STYXL1: variants seen among roughly 807,000 people sequenced by gnomAD.
STYXL1 encodes the protein serine/threonine/tyrosine-interacting-like protein 1.
A neutral mutation model predicts 36.4 loss-of-function variants in STYXL1; 32 were observed. The ratio of observed to expected loss-of-function variants is 0.88; its 90% CI spans 0.66 to 1.18. The LOEUF (loss-of-function observed/expected upper bound fraction) is 1.18. Among genes scored for constraint, STYXL1 ranks in the 50% most tolerant of loss-of-function variants. The pLI is 0.00. For synonymous variants in STYXL1, 133 were observed against 144.1 expected (o/e 0.92, Z 0.55); for missense variants, 354 against 394.1 (o/e 0.90, Z 0.86).
At chr7:76,022,551 A>G (rs1401172430) in intron 3 of STYXL1, among the ~76,000 whole-genome samples, 1 of 151,684 alleles carries the variant, frequency 6.6e-6, no homozygotes, top group African/African-American at 2.4e-5. Flanking sequence ...TGTAGTCCCT[A>G]CTACTCAGGA....
At chr7:76,032,738 T>C (rs6947068) in intron 1 of STYXL1, among the ~76,000 whole-genome samples, 81,831 of 151,854 alleles carry the variant, frequency 0.54, 24,843 homozygotes, top group Non-Finnish European at 0.7. Flanking sequence ...GTAGGATCCA[T>C]TGTGACAGGA....
chr7:76,022,095 ACT>A (rs2116076511), intron 3 of STYXL1, 103 bp from the exon 4 acceptor site: 1 of 1,516,064 alleles, frequency 6.6e-7, no homozygotes, highest in African/African-American at 1.4e-5. Flanking sequence ...CTAAGACCGC[ACT>A]CTCTCCCCTG....
intron 3 of STYXL1, among the ~76,000 whole-genome samples, chr7:76,027,381 C>A (rs1253499743): frequency 6.6e-6 from 1 of 151,890 alleles, no homozygotes; most frequent in Non-Finnish European, 1.5e-5. Flanking sequence ...TGGATTATAG[C>A]CAATTATCTC....
intron 5 of STYXL1, among the ~76,000 whole-genome samples, chr7:76,007,229 C>A (rs2115570127): frequency 6.6e-6 from 1 of 152,190 alleles, no homozygotes; most frequent in East Asian, 1.9e-4. Context: ...GAGCTTGAGA[C>A]CAACCTGGCC....
At chr7:76,026,427 G>A (rs1585285639) in intron 3 of STYXL1, among the ~76,000 whole-genome samples, 1 of 151,816 alleles carries the variant, frequency 6.6e-6, no homozygotes, top group East Asian at 2.0e-4. Context: ...CTACAGAGGT[G>A]CCCCACCACA....
At chr7:76,018,496 T>C (rs1385067602) in intron 4 of STYXL1, among the ~76,000 whole-genome samples, 3 of 152,088 alleles carry the variant, frequency 2.0e-5, no homozygotes, top group African/African-American at 7.2e-5. Context: ...GTTCAAGTGA[T>C]TCTCCTACCT....
chr7:76,018,790 C>T (rs1268562807), intron 4 of STYXL1, among the ~76,000 whole-genome samples: 1 of 152,164 alleles, frequency 6.6e-6, no homozygotes, highest in Non-Finnish European at 1.5e-5. Flanking sequence ...GTTGTTCGTG[C>T]TTTTTGGCTA....
intron 2 of STYXL1, among the ~76,000 whole-genome samples, chr7:76,028,929 G>T (rs539001392): frequency 1.3e-5 from 2 of 152,128 alleles, no homozygotes; most frequent in East Asian, 3.9e-4. Context: ...TTCAAGACCA[G>T]CCTGGCCAAC....
chr7:76,043,526 C>A (rs2116525121), intron 1 of STYXL1, among the ~76,000 whole-genome samples: 1 of 151,508 alleles, frequency 6.6e-6, no homozygotes, highest in South Asian at 2.1e-4. Context: ...ATTCCAGAAG[C>A]CAGGGGCTGA....
chr7:76,047,862 C>G lies in STYXL1; in HGVS notation c.-205G>C. On this transcript the variant is annotated 5_prime_UTR_variant, in exon 1 of 9. Transcript: ENST00000359697. ...CTTCCAGCCTAAAGCCCGTCCTCTT[C>G]CACCTCTTGGGTGCAGACTGGCCCT... 7.5e-7 allele frequency: 1 copy of G among 1,327,458 alleles called. No homozygotes were observed. Among genetic ancestry groups the G allele is most frequent in the South Asian group, 1.6e-5 (1 of 63,982 alleles). 82.2% of individuals were successfully genotyped at this position (1,327,458 alleles called of 1,614,324 possible).
At chr7:76,001,792 ATTTTT>A (rs71082373) in intron 7 of STYXL1, among the ~76,000 whole-genome samples, 1 of 96,950 alleles carries the variant, frequency 1.0e-5, no homozygotes, top group Non-Finnish European at 1.9e-5. Flanking sequence ...ACTGCGCCTG[ATTTTT>A]TTTTTTTTTT....
At chr7:76,000,866 G>A (rs781987816) in intron 8 of STYXL1, 24 bp downstream of exon 8, 9 of 1,605,362 alleles carry the variant, frequency 5.6e-6, no homozygotes, top group South Asian at 4.4e-5. Context: ...GCCGTGGTGC[G>A]AGCCTGGCCC....
intron 2 of STYXL1, 101 bp from the exon 3 acceptor site, chr7:76,028,804 T>C: frequency 9.6e-7 from 1 of 1,046,838 alleles, no homozygotes. Flanking sequence ...GTTTGGCAGT[T>C]AAGGGATAGT....
chr7:76,046,645 CTT>C (rs147700789), intron 1 of STYXL1, among the ~76,000 whole-genome samples: 37,264 of 115,820 alleles, frequency 0.32, 6,986 homozygotes, highest in East Asian at 0.54. Flanking sequence ...CCACACCCGG[CTT>C]TTTTTTTTTT....
chr7:76,037,561 CCT>C (rs756918555), intron 1 of STYXL1, among the ~76,000 whole-genome samples: 13 of 150,232 alleles, frequency 8.7e-5, no homozygotes, highest in Non-Finnish European at 1.3e-4. Context: ...TCCCTGCCTC[CCT>C]GTGTCTGCTC....
intron 3 of STYXL1, among the ~76,000 whole-genome samples, chr7:76,025,103 G>A (rs1442988848): frequency 6.7e-6 from 1 of 149,614 alleles, no homozygotes; most frequent in Non-Finnish European, 1.5e-5. Flanking sequence ...GAATGAGGCT[G>A]GAGACAGAGG....
At chr7:75,998,553 C>T (rs1415376039) in intron 8 of STYXL1, 3 of 152,224 alleles carry the variant, frequency 2.0e-5, no homozygotes, top group African/African-American at 7.2e-5. Flanking sequence ...CCACCTCTGC[C>T]TCCCAACCTG....
chr7:76,023,358 C>T (rs1306561666), intron 3 of STYXL1, among the ~76,000 whole-genome samples: 2 of 151,956 alleles, frequency 1.3e-5, no homozygotes, highest in Non-Finnish European at 2.9e-5. Flanking sequence ...CTGTGGCCAG[C>T]GTTCTGGATA....
intron 1 of STYXL1, among the ~76,000 whole-genome samples, chr7:76,033,388 C>T (rs564926156): frequency 6.6e-6 from 1 of 152,130 alleles, no homozygotes; most frequent in Non-Finnish European, 1.5e-5. Context: ...ACAAGTGATC[C>T]TCCCTCCTCG....
Sources: allele counts gnomAD v4.1 joint callset (sites outside exome capture counted in the v4.1 genomes callset), GRCh38; gene constraint gnomAD v4.1.1; transcripts MANE v1.5; gene names NCBI Gene and HGNC (gene_info 2026-07-23, HGNC 2026-07-21).